Variants in OPCML observed in about 807,000 individuals in gnomAD.
OPCML encodes opioid-binding protein/cell adhesion molecule.
In OPCML, 13 loss-of-function variants were observed where a neutral mutation model predicts 37.8. That is an observed-to-expected ratio of 0.34 (90% CI 0.22 to 0.55). The LOEUF (loss-of-function observed/expected upper bound fraction) is 0.55, where lower values mean the gene tolerates loss of function less well. Among genes scored for constraint, OPCML ranks in the 20% least tolerant of loss-of-function variants. The pLI is 0.91. For synonymous variants in OPCML, 176 were observed against 168.8 expected (o/e 1.04, Z -0.33); for missense variants, 341 against 435.6 (o/e 0.78, Z 1.93).
At chr11:133,515,988 C>T (rs1049306965) in intron 1 of OPCML, among the ~76,000 whole-genome samples, 2 of 152,080 alleles carry the variant, frequency 1.3e-5, no homozygotes, top group Non-Finnish European at 2.9e-5. Flanking sequence ...CGCTGGCTCC[C>T]ATGCCTGCTC....
intron 7 of OPCML, among the ~76,000 whole-genome samples, chr11:132,425,923 A>G (rs2095976434): frequency 6.6e-6 from 1 of 152,266 alleles, no homozygotes; most frequent in Non-Finnish European, 1.5e-5. Flanking sequence ...CAATTGAACT[A>G]GAATGGCTGC....
At chr11:133,136,300 G>A (rs1429134021) in intron 1 of OPCML, among the ~76,000 whole-genome samples, 2 of 152,170 alleles carry the variant, frequency 1.3e-5, no homozygotes, top group Admixed American at 6.5e-5. Context: ...TTTGACTGTG[G>A]TGTCTATGCC....
At chr11:133,048,296 T>C (rs1232403717) in intron 1 of OPCML, among the ~76,000 whole-genome samples, 1 of 152,170 alleles carries the variant, frequency 6.6e-6, no homozygotes, top group Non-Finnish European at 1.5e-5. Flanking sequence ...AGGCGTGCAT[T>C]AACTCAATCG....
rs141243343 is a variant in OPCML, at chr11:133,292,747, C to T, written c.61+239517G>A. 4.1e-3 allele frequency among the ~76,000 whole-genome samples: 629 copies of T among 152,164 alleles called. 1 individual carries two copies. Among genetic ancestry groups the T allele is most frequent in the African/African-American group, 0.014 (591 of 41,500 alleles). The stretch of plus-strand genomic sequence containing the variant: ...GCTAGAATGAGATATAATATGTGGA[C>T]GCAAGGAAAAGTGACATTCAGTGAA... On this transcript the variant is annotated intron_variant, in intron 1 of 7. Transcript: ENST00000524381.
chr11:132,966,641 T>G (rs968288469), intron 1 of OPCML, among the ~76,000 whole-genome samples: 1 of 152,130 alleles, frequency 6.6e-6, no homozygotes, highest in African/African-American at 2.4e-5. Context: ...TTATTAAGAA[T>G]GAAGTACTAA....
intron 1 of OPCML, among the ~76,000 whole-genome samples, chr11:133,267,082 G>A (rs886973236): frequency 1.3e-5 from 2 of 152,182 alleles, no homozygotes; most frequent in African/African-American, 4.8e-5. Context: ...TCCCTAGAGA[G>A]GCTGTTTAGT....
intron 1 of OPCML, among the ~76,000 whole-genome samples, chr11:133,463,871 A>C (rs555356735): frequency 6.6e-6 from 1 of 152,348 alleles, no homozygotes; most frequent in South Asian, 2.1e-4. Flanking sequence ...AAACATTGAA[A>C]TAGATCTTCA....
At chr11:132,949,734 T>C (rs2136693978) in intron 1 of OPCML, among the ~76,000 whole-genome samples, 1 of 152,364 alleles carries the variant, frequency 6.6e-6, no homozygotes. Flanking sequence ...ACCTATTTTA[T>C]GTTGGACACT....
At chr11:133,493,232 C>T (rs1009496351) in intron 1 of OPCML, among the ~76,000 whole-genome samples, 2 of 152,232 alleles carry the variant, frequency 1.3e-5, no homozygotes, top group African/African-American at 4.8e-5. Context: ...AGGAAGCCAG[C>T]CTGCTTAAGC....
chr11:132,971,696 T>C (rs906252), intron 1 of OPCML, among the ~76,000 whole-genome samples: 60,901 of 152,008 alleles, frequency 0.4, 12,625 homozygotes, highest in East Asian at 0.62. Flanking sequence ...CCAGGGAGGC[T>C]CTGTCTGCAG....
intron 1 of OPCML, among the ~76,000 whole-genome samples, chr11:133,330,943 T>A (rs913981891): frequency 5.3e-5 from 8 of 152,208 alleles, no homozygotes; most frequent in Non-Finnish European, 8.8e-5. Flanking sequence ...AAGAAGTTAA[T>A]AAAATTGTTT....
At chr11:132,905,676 A>T (rs1382725177) in intron 2 of OPCML, among the ~76,000 whole-genome samples, 3 of 152,142 alleles carry the variant, frequency 2.0e-5, no homozygotes, top group Non-Finnish European at 2.9e-5. Flanking sequence ...AGGAACACCC[A>T]ATAGTGGCAG....
chr11:132,480,420 A>G (rs1051185659), intron 4 of OPCML, among the ~76,000 whole-genome samples: 2 of 152,232 alleles, frequency 1.3e-5, no homozygotes, highest in African/African-American at 4.8e-5. Context: ...GATGGGGAGA[A>G]TGGAACCAAG....
At chr11:133,441,056 TTAAAA>T (rs1252069313) in intron 1 of OPCML, among the ~76,000 whole-genome samples, 1 of 151,698 alleles carries the variant, frequency 6.6e-6, no homozygotes, top group Admixed American at 6.6e-5. Context: ...TAAGACACTA[TTAAAA>T]TAAGAAAGCT....
intron 4 of OPCML, among the ~76,000 whole-genome samples, chr11:132,511,812 T>A (rs1170733989): frequency 2.1e-5 from 2 of 95,164 alleles, no homozygotes; most frequent in Admixed American, 1.1e-4. Flanking sequence ...AAAAAAAACA[T>A]AGAATATAAC....
At chr11:132,504,206 G>A (rs911339579) in intron 4 of OPCML, among the ~76,000 whole-genome samples, 1 of 152,118 alleles carries the variant, frequency 6.6e-6, no homozygotes, top group Admixed American at 6.6e-5. Context: ...TCAAATCATG[G>A]CATGCCTTAT....
At chr11:133,369,040 C>A (rs1944615484) in intron 1 of OPCML, among the ~76,000 whole-genome samples, 1 of 152,150 alleles carries the variant, frequency 6.6e-6, no homozygotes, top group Non-Finnish European at 1.5e-5. Flanking sequence ...GGCAGAATGC[C>A]AGGAAATCCC....
Position 132,473,198 on chromosome 11 carries a change from C to T in OPCML, c.506-35839G>A, listed in dbSNP as rs527802824. ...CAAAGCCATTCCCAGGGGCAGATTC[C>T]CAGCCAATGTGCAGCTTTGTGAAAA... is the stretch of plus-strand genomic sequence containing the variant. On this transcript the variant is annotated intron_variant, in intron 4 of 7. Transcript: ENST00000524381. Among the ~76,000 whole-genome samples, 5 of 152,294 alleles carry T rather than the reference C, an allele frequency of 3.3e-5. No individual in the cohort carries two copies. In the South Asian group the frequency reaches 1.0e-3, roughly 32 times the overall value.
intron 1 of OPCML, among the ~76,000 whole-genome samples, chr11:133,510,080 G>C (rs180975103): frequency 6.6e-6 from 1 of 152,120 alleles, no homozygotes; most frequent in South Asian, 2.1e-4. Flanking sequence ...GCAGGTGTGC[G>C]TCTCTACAGT....
Sources: allele counts gnomAD v4.1 joint callset (sites outside exome capture counted in the v4.1 genomes callset), GRCh38; gene constraint gnomAD v4.1.1; transcripts MANE v1.5; gene names NCBI Gene and HGNC (gene_info 2026-07-23, HGNC 2026-07-21).